The following DGKH variants were observed in gnomAD, a reference collection of about 807,000 sequenced individuals.
The protein encoded by DGKH is DAG kinase eta.
A neutral mutation model predicts 159.3 loss-of-function variants in DGKH; 90 were observed. The observed-to-expected ratio is 0.57, with a 90% CI of 0.48 to 0.67. The LOEUF is 0.67. Ranked by LOEUF, DGKH falls within the 30% of genes least tolerant of loss-of-function variation. The pLI, the probability that DGKH is intolerant of heterozygous loss-of-function variation, is 0.00. For missense variants in DGKH, 1,181 were observed against 1,506.1 expected (o/e 0.78, Z 3.57); for synonymous variants, 536 against 553.8 (o/e 0.97, Z 0.45).
chr13:42,245,673 C>T (rs1174015543), downstream of DGKH, among the ~76,000 whole-genome samples: 2 of 152,116 alleles, frequency 1.3e-5, no homozygotes, highest in Admixed American at 1.3e-4. Context: ...GCAACCACCG[C>T]CTCCCAGGTT....
At chr13:42,248,796 G>T (rs955669394) in intron 29 of DGKH, among the ~76,000 whole-genome samples, 1 of 151,704 alleles carries the variant, frequency 6.6e-6, no homozygotes, top group Non-Finnish European at 1.5e-5. Context: ...TGCTATACAG[G>T]TTTGTAGCCT....
At chr13:42,052,499 G>A (rs1881398046) in intron 1 of DGKH, among the ~76,000 whole-genome samples, 1 of 152,224 alleles carries the variant, frequency 6.6e-6, no homozygotes. Flanking sequence ...AAGTGGTGCT[G>A]ATGCAGGAAA....
rs181429668 is a variant in DGKH at position 42,215,909 on chromosome 13, G to A, written c.3213+242G>A. Among the ~76,000 whole-genome samples, 5 of 152,292 alleles carry A rather than the reference G, an allele frequency of 3.3e-5. No individual in the cohort carries two copies. The East Asian group carries it at 7.7e-4, about 24-fold the overall frequency. On this transcript the variant is annotated intron_variant, in intron 26 of 29. Transcript: ENST00000337343. ...ATATATGCCATCCTGTTTTTAGGCAGCCCTGCTCTGCCCCATTCAGCTTCG... is the reference window on the plus strand; with the variant it reads ...ATATATGCCATCCTGTTTTTAGGCAACCCTGCTCTGCCCCATTCAGCTTCG...
intron 1 of DGKH, among the ~76,000 whole-genome samples, chr13:42,051,646 CTTTTTTTTTTTTT>C (rs56413015): frequency 2.0e-4 from 10 of 50,188 alleles, no homozygotes; most frequent in South Asian, 2.7e-3. Flanking sequence ...TCAAAGCCAT[CTTTTTTTTTTTTT>C]TTTTTTTTTT....
rs1170948990 is a variant in DGKH, at chr13:42,222,827, T to TTA, written c.3573+1442_3573+1443dup. On this transcript the variant is annotated intron_variant, in intron 29 of 29. Coordinates refer to ENST00000337343, the MANE Select transcript of DGKH (RefSeq NM_178009.5). ...ACATAAATGCATATATGTGTACGTG[T>TTA]TATATATATACATACAAACATAGAT... is the stretch of plus-strand genomic sequence containing the variant. Among the ~76,000 whole-genome samples, 4 of 152,270 alleles carry TTA rather than the reference T, an allele frequency of 2.6e-5. No homozygotes were observed. In the South Asian group the frequency reaches 6.2e-4, roughly 24 times the overall value.
chr13:42,099,550 A>G (rs148815930), intron 1 of DGKH, among the ~76,000 whole-genome samples: 283 of 152,270 alleles, frequency 1.9e-3, no homozygotes, highest in Middle Eastern at 6.8e-3. Context: ...CTGAAGTGTG[A>G]ATGGCGGGGC....
chr13:42,199,958 AAAT>A, intron 20 of DGKH, 49 bp downstream of exon 20: 1 of 1,498,918 alleles, frequency 6.7e-7, no homozygotes, highest in Non-Finnish European at 9.0e-7. Context: ...TACTTAAAAA[AAAT>A]ATCGTTTTGG....
intron 29 of DGKH, among the ~76,000 whole-genome samples, chr13:42,248,238 A>G (rs1456344741): frequency 1.3e-5 from 2 of 152,084 alleles, no homozygotes; most frequent in Non-Finnish European, 2.9e-5. Context: ...CATGGCCAAC[A>G]TAGTGAAACC....
chr13:42,216,679 C>T (rs905228491), intron 26 of DGKH: 2 of 152,238 alleles, frequency 1.3e-5, no homozygotes, highest in Non-Finnish European at 2.9e-5. Context: ...ATCACTCTTA[C>T]CTACCTCCAA....
intron 2 of DGKH, among the ~76,000 whole-genome samples, chr13:42,129,251 A>G (rs1228720642): frequency 6.6e-6 from 1 of 152,214 alleles, no homozygotes; most frequent in Non-Finnish European, 1.5e-5. Context: ...GTGCATGTGT[A>G]TGCCACGCAC....
At chr13:42,057,943 G>A (rs192141878) in intron 1 of DGKH, among the ~76,000 whole-genome samples, 5 of 152,240 alleles carry the variant, frequency 3.3e-5, no homozygotes, top group Non-Finnish European at 7.4e-5. Flanking sequence ...GGTCAGTGGG[G>A]CTGAAGGGGG....
At chr13:42,155,018 A>G (rs946586092) in intron 3 of DGKH, among the ~76,000 whole-genome samples, 2 of 152,204 alleles carry the variant, frequency 1.3e-5, no homozygotes, top group Non-Finnish European at 2.9e-5. Context: ...AGTTTGTAAG[A>G]TGTATTTCGT....
At chr13:42,170,741 G>A (rs1230954010) in intron 11 of DGKH, among the ~76,000 whole-genome samples, 1 of 152,044 alleles carries the variant, frequency 6.6e-6, no homozygotes, top group Admixed American at 6.6e-5. Context: ...TCAGGAGTTC[G>A]AGACCAGCCT....
downstream of DGKH, among the ~76,000 whole-genome samples, chr13:42,246,664 A>AT (rs762667702): frequency 2.0e-5 from 3 of 152,074 alleles, no homozygotes; most frequent in Non-Finnish European, 4.4e-5. Flanking sequence ...GACTTATCGA[A>AT]TAAAAGGCAG....
At chr13:42,111,279 T>TG (rs1954858831) in intron 1 of DGKH, among the ~76,000 whole-genome samples, 1 of 151,744 alleles carries the variant, frequency 6.6e-6, no homozygotes, top group Admixed American at 6.6e-5. Context: ...ATACAGAGGG[T>TG]GATTAGAATA....
chr13:42,217,863 A>G lies in DGKH; in HGVS notation c.3214-1367A>G, dbSNP rs556044009. ...AGCCTGGACAACATGGTGAAACCCC[A>G]TCTCTACTAAAAATACAAAAATTAG... On this transcript the variant is annotated intron_variant, in intron 26 of 29. Transcript: ENST00000337343. 1.3e-4 allele frequency among the ~76,000 whole-genome samples: 20 copies of G among 152,206 alleles called. No individual in the cohort carries two copies. In the East Asian group the frequency reaches 1.5e-3, roughly 12 times the overall value.
chr13:42,121,868 G>C (rs1246580475), intron 1 of DGKH, among the ~76,000 whole-genome samples: 2 of 152,202 alleles, frequency 1.3e-5, no homozygotes, highest in Non-Finnish European at 2.9e-5. Context: ...AGTGGATACT[G>C]TCTGTGTGAT....
intron 13 of DGKH, chr13:42,181,659 C>G: frequency 5.7e-6 from 2 of 350,438 alleles, no homozygotes; most frequent in South Asian, 4.2e-5. Context: ...AGCATTACTT[C>G]CTCTGTTTAA....
At chr13:42,211,013 C>T (rs1203292320) in intron 24 of DGKH, among the ~76,000 whole-genome samples, 1 of 152,132 alleles carries the variant, frequency 6.6e-6, no homozygotes, top group East Asian at 1.9e-4. Context: ...GAAGTCTAAA[C>T]ATTCATCCTG....
Sources: gnomAD v4.1 joint callset for allele counts (sites outside exome capture counted in the v4.1 genomes callset) on GRCh38, gnomAD v4.1.1 for gene constraint, MANE v1.5 for transcripts, NCBI Gene and HGNC (gene_info 2026-07-23, HGNC 2026-07-21) for gene names.